Variants in ATP10B observed in about 807,000 individuals in gnomAD.
ATP10B encodes ATPase phospholipid transporting 10B (putative), also known as phospholipid-transporting ATPase VB.
ATP10B carries 122 observed loss-of-function variants against 141.2 expected under a neutral mutation model. That is an observed-to-expected ratio of 0.86 (90% CI 0.75 to 1.00). The LOEUF (loss-of-function observed/expected upper bound fraction) is 1.00, where lower values mean the gene tolerates loss of function less well. Ranked by LOEUF, ATP10B falls within the 50% of genes least tolerant of loss-of-function variation. ATP10B has a pLI of 0.00. For missense variants in ATP10B, 1,876 were observed against 1,825.3 expected, an observed-to-expected ratio of 1.03 and a Z score of -0.51; for synonymous variants, 685 against 692.0, an observed-to-expected ratio of 0.99 and a Z score of 0.16.
the ATP10B span, among the ~76,000 whole-genome samples, chr5:160,923,142 C>T: frequency 1.3e-5 from 2 of 152,262 alleles, no homozygotes; most frequent in Non-Finnish European, 1.5e-5. Context: ...TGCCATCGAT[C>T]GGAAGGCTGG....
At chr5:160,589,440 C>T (rs948173643) in intron 24 of ATP10B, 152 bp downstream of exon 24, 1 of 619,822 alleles carries the variant, frequency 1.6e-6, no homozygotes, top group East Asian at 2.7e-5. Context: ...TTTTTCACCC[C>T]TTTCATCCCT....
chr5:160,569,317 G>A (rs1754731320), intron 25 of ATP10B, among the ~76,000 whole-genome samples, 179 bp downstream of exon 25: 1 of 152,202 alleles, frequency 6.6e-6, no homozygotes, highest in Admixed American at 6.5e-5. Context: ...TGGGACCACA[G>A]TCCATGTTAT....
intron 7 of ATP10B, among the ~76,000 whole-genome samples, chr5:160,653,981 T>C (rs376312396): frequency 2.0e-3 from 39 of 19,270 alleles, no homozygotes; most frequent in African/African-American, 5.0e-3. Flanking sequence ...TATATACATA[T>C]ATAAATATAT....
At chr5:160,919,223 CAAAAAA>C in the ATP10B span, among the ~76,000 whole-genome samples, 3 of 26,964 alleles carry the variant, frequency 1.1e-4, no homozygotes, top group African/African-American at 2.0e-4. Flanking sequence ...AACTCCGTCT[CAAAAAA>C]AAAAAAAAAA....
intron 7 of ATP10B, among the ~76,000 whole-genome samples, chr5:160,653,006 T>A (rs1285806725): frequency 9.4e-6 from 1 of 106,036 alleles, no homozygotes; most frequent in Admixed American, 1.4e-4. Flanking sequence ...TTATATATTA[T>A]ATATATTTAT....
rs536844853 is a variant in ATP10B at position 160,818,130 on chromosome 5, A to G, written c.-575-32327T>C. Among the ~76,000 whole-genome samples the G allele has an allele frequency of 3.5e-4, 54 of 152,330 alleles. 1 individual carries two copies. Among genetic ancestry groups the G allele is most frequent in the Non-Finnish European group, 6.2e-4 (42 of 68,022 alleles). On this transcript the variant is annotated intron_variant, in intron 1 of 25. Coordinates refer to ENST00000327245, the MANE Select transcript of ATP10B (RefSeq NM_025153.3). ...TAAAACACCAAAAGCAATGGCAACA[A>G]AAGCCAAAATTGACAAATGGGATCT...
the ATP10B span, among the ~76,000 whole-genome samples, chr5:160,866,321 A>G: frequency 6.6e-6 from 1 of 152,072 alleles, no homozygotes; most frequent in Non-Finnish European, 1.5e-5. Flanking sequence ...AGAAAATAAA[A>G]TATTGTATGT....
At chr5:160,839,038 G>A (rs1775650933) in intron 1 of ATP10B, among the ~76,000 whole-genome samples, 1 of 152,118 alleles carries the variant, frequency 6.6e-6, no homozygotes, top group African/African-American at 2.4e-5. Context: ...AGCTTCCTAA[G>A]GCCCCACCAG....
intron 10 of ATP10B, among the ~76,000 whole-genome samples, chr5:160,638,269 T>TG (rs1423426995): frequency 2.0e-5 from 3 of 152,176 alleles, no homozygotes; most frequent in African/African-American, 7.2e-5. Context: ...TTTATTGTTT[T>TG]GGGGAATCTG....
At chr5:160,789,412 C>G (rs1369826168) in intron 1 of ATP10B, among the ~76,000 whole-genome samples, 1 of 152,118 alleles carries the variant, frequency 6.6e-6, no homozygotes, top group Non-Finnish European at 1.5e-5. Flanking sequence ...TGTGACTAGA[C>G]TACAAACCTG....
chr5:160,607,178 A>T, intron 18 of ATP10B, 92 bp from the exon 19 acceptor site: 1 of 1,041,766 alleles, frequency 9.6e-7, no homozygotes, highest in Non-Finnish European at 1.4e-6. Context: ...ATAGTCATAA[A>T]ACTCTACTAC....
the ATP10B span, among the ~76,000 whole-genome samples, chr5:160,904,443 A>G: frequency 2.0e-5 from 3 of 152,136 alleles, no homozygotes; most frequent in African/African-American, 7.2e-5. Context: ...GGTACATGGT[A>G]TCACATTACT....
At chr5:160,627,202 A>G (rs1758655517) in intron 13 of ATP10B, among the ~76,000 whole-genome samples, 1 of 152,178 alleles carries the variant, frequency 6.6e-6, no homozygotes, top group Admixed American at 6.6e-5. Context: ...CTTTCCAGGA[A>G]GCTTCCTTGA....
At chr5:160,592,430 G>A (rs1016682577) in intron 22 of ATP10B, among the ~76,000 whole-genome samples, 1 of 152,164 alleles carries the variant, frequency 6.6e-6, no homozygotes, top group African/African-American at 2.4e-5. Context: ...AATAATTGGG[G>A]CAGCCAAGAT....
chr5:160,904,210 A>G, the ATP10B span, among the ~76,000 whole-genome samples: 18 of 152,226 alleles, frequency 1.2e-4, no homozygotes, highest in Middle Eastern at 0.01. Context: ...ACTGCAGAAC[A>G]TTGTTAGTCT....
intron 8 of ATP10B, among the ~76,000 whole-genome samples, chr5:160,646,337 T>A (rs758331803): frequency 4.1e-4 from 62 of 152,208 alleles, no homozygotes; most frequent in Non-Finnish European, 8.2e-4. Flanking sequence ...CTAATGTTTG[T>A]CTATCCTACT....
the ATP10B span, among the ~76,000 whole-genome samples, chr5:160,921,481 T>C: frequency 6.6e-6 from 1 of 152,218 alleles, no homozygotes; most frequent in African/African-American, 2.4e-5. Flanking sequence ...CTTCCCAATC[T>C]GAAACTTTGC....
At chr5:160,684,811 CT>C (rs1389280739) in intron 6 of ATP10B, 18 of 664,358 alleles carry the variant, frequency 2.7e-5, no homozygotes, top group Non-Finnish European at 4.6e-5. Flanking sequence ...GGGCCCAAGA[CT>C]TCCCCAGAGT....
intron 23 of ATP10B, among the ~76,000 whole-genome samples, 169 bp from the exon 24 acceptor site, chr5:160,589,865 T>C (rs1441581267): frequency 1.3e-5 from 2 of 152,146 alleles, no homozygotes; most frequent in Non-Finnish European, 2.9e-5. Flanking sequence ...AAGAAAGGAA[T>C]TGATAGGACT....
Sources: allele counts gnomAD v4.1 joint callset (sites outside exome capture counted in the v4.1 genomes callset), GRCh38; gene constraint gnomAD v4.1.1; transcripts MANE v1.5; gene names NCBI Gene and HGNC (gene_info 2026-07-23, HGNC 2026-07-21).